The following RALYL variants were observed in gnomAD, a reference collection of about 807,000 sequenced individuals.
The protein encoded by RALYL is RNA-binding Raly-like protein.
Under a neutral mutation model 35.1 loss-of-function variants are expected in RALYL, and 29 were observed. The observed-to-expected ratio is 0.83, with a 90% CI of 0.61 to 1.13. The LOEUF (loss-of-function observed/expected upper bound fraction) is 1.13. Among genes scored for constraint, RALYL ranks in the 50% most tolerant of loss-of-function variants. The pLI is 0.00. For missense variants in RALYL, 359 were observed against 360.4 expected (o/e 1.00, Z 0.03); for synonymous variants, 120 against 127.6 (o/e 0.94, Z 0.40).
At chr8:84,482,430 T>C (rs573184897) in intron 1 of RALYL, among the ~76,000 whole-genome samples, 2 of 152,120 alleles carry the variant, frequency 1.3e-5, no homozygotes, top group Non-Finnish European at 2.9e-5. Context: ...ATAATAGCTT[T>C]CTGGTTTCCT....
chr8:84,306,986 A>T (rs1184382421), intron 1 of RALYL, among the ~76,000 whole-genome samples: 1 of 151,986 alleles, frequency 6.6e-6, no homozygotes, highest in Admixed American at 6.6e-5. Context: ...CTTGGAGTGG[A>T]TGTGGGGGGA....
In RALYL at chr8:84,487,747, A is replaced by C. The variant is rs528746453; in HGVS notation, c.-23-41552A>C. On this transcript the variant is annotated intron_variant, in intron 1 of 8. Transcript: ENST00000521268. ...TAAACTATCTGTCCTCTTATAGAAA[A>C]TACTTGCAAACCCCTTCTTATTGTG... Among the ~76,000 whole-genome samples the C allele has an allele frequency of 8.3e-4, 127 of 152,220 alleles. 1 individual carries two copies. In the Middle Eastern group the frequency reaches 0.014, roughly 16 times the overall value.
chr8:84,796,758 A>G (rs1165315580), intron 3 of RALYL, among the ~76,000 whole-genome samples: 2 of 80,676 alleles, frequency 2.5e-5, no homozygotes, highest in African/African-American at 1.2e-4. Flanking sequence ...TAAGTATATT[A>G]AGTTATTTAT....
intron 2 of RALYL, among the ~76,000 whole-genome samples, chr8:84,619,798 A>G (rs1373499749): frequency 6.7e-6 from 1 of 150,342 alleles, no homozygotes; most frequent in Non-Finnish European, 1.5e-5. Context: ...GATGGTGACA[A>G]AATCTCTCAG....
chr8:84,218,333 AATG>A (rs900797338), intron 1 of RALYL, among the ~76,000 whole-genome samples: 4 of 152,018 alleles, frequency 2.6e-5, no homozygotes, highest in African/African-American at 9.7e-5. Context: ...TGTCTTGCAG[AATG>A]ATGACTTCCT....
At chr8:84,268,815 G>A (rs981956048) in intron 1 of RALYL, among the ~76,000 whole-genome samples, 2 of 152,244 alleles carry the variant, frequency 1.3e-5, no homozygotes, top group African/African-American at 2.4e-5. Context: ...TTGGTATCCC[G>A]TATTTAATAA....
rs1188652265 is a variant in RALYL, at chr8:84,464,812, G to C, written c.-23-64487G>C. ...TCCTCTCCAGCACCTGTTGTTTCCT[G>C]ACTTTTTAATGACTGCCATTCTAAC... On this transcript the variant is annotated intron_variant, in intron 1 of 8. Transcript: ENST00000521268. 2.0e-5 allele frequency among the ~76,000 whole-genome samples: 3 copies of C among 146,754 alleles called. No homozygotes were observed. The East Asian group carries it at 6.1e-4, about 30-fold the overall frequency.
At chr8:84,548,760 C>T (rs559042551) in intron 2 of RALYL, among the ~76,000 whole-genome samples, 175 of 152,242 alleles carry the variant, frequency 1.1e-3, no homozygotes, top group Non-Finnish European at 1.7e-3. Context: ...CTTTCTTCCT[C>T]AATTTTATTT....
chr8:84,652,748 T>C (rs1366238690), intron 2 of RALYL, among the ~76,000 whole-genome samples: 1 of 152,064 alleles, frequency 6.6e-6, no homozygotes, highest in Admixed American at 6.6e-5. Flanking sequence ...AAAACTTTTG[T>C]CCAATCTGTC....
intron 4 of RALYL, among the ~76,000 whole-genome samples, chr8:84,815,818 G>A (rs985294564): frequency 4.6e-5 from 7 of 151,762 alleles, no homozygotes; most frequent in Non-Finnish European, 1.0e-4. Flanking sequence ...GGCAGATCAC[G>A]AGGTCAGGAG....
chr8:84,592,431 T>G lies in RALYL; in HGVS notation c.256+62854T>G, dbSNP rs1364410026. Among the ~76,000 whole-genome samples, 3 of 152,312 alleles carry G rather than the reference T, an allele frequency of 2.0e-5. No individual in the cohort carries two copies. The East Asian group carries it at 5.8e-4, about 29-fold the overall frequency. ...TTTGCTGTCTTTTGAAAGGCAAGAC[T>G]TGTAGATTGATACAGATCTGTCTAT... On this transcript the variant is annotated intron_variant, in intron 2 of 8. Coordinates refer to ENST00000521268, the MANE Select transcript of RALYL (RefSeq NM_173848.7).
chr8:84,558,623 C>T (rs2061286530), intron 2 of RALYL, among the ~76,000 whole-genome samples: 1 of 151,936 alleles, frequency 6.6e-6, no homozygotes, highest in Admixed American at 6.6e-5. Flanking sequence ...ATTTATTTCC[C>T]AGTTTTGCAA....
intron 8 of RALYL, chr8:84,906,927 G>T: frequency 1.0e-6 from 1 of 984,756 alleles, no homozygotes; most frequent in Non-Finnish European, 1.2e-6. Context: ...GCTGTCTTTA[G>T]AATGTCTCTG....
intron 1 of RALYL, among the ~76,000 whole-genome samples, chr8:84,234,777 T>C (rs550447676): frequency 6.6e-6 from 1 of 151,332 alleles, no homozygotes; most frequent in Non-Finnish European, 1.5e-5. Flanking sequence ...TTATTTTTTT[T>C]TTTTTGAGAT....
chr8:84,436,984 T>C (rs751487569), intron 1 of RALYL, among the ~76,000 whole-genome samples: 8 of 152,106 alleles, frequency 5.3e-5, no homozygotes, highest in East Asian at 3.9e-4. Flanking sequence ...CCCAAGAAGA[T>C]AGCATAGTAC....
intron 1 of RALYL, among the ~76,000 whole-genome samples, chr8:84,513,360 A>G (rs766198059): frequency 4.6e-5 from 7 of 152,118 alleles, no homozygotes; most frequent in Non-Finnish European, 1.0e-4. Context: ...ATATCCAGCA[A>G]ACTGTTAGCA....
At chr8:84,312,824 C>T (rs1412336079) in intron 1 of RALYL, among the ~76,000 whole-genome samples, 1 of 152,196 alleles carries the variant, frequency 6.6e-6, no homozygotes, top group Admixed American at 6.5e-5. Flanking sequence ...GAGGATCTAC[C>T]ATTCTGGGGT....
intron 3 of RALYL, among the ~76,000 whole-genome samples, chr8:84,803,051 T>G (rs1386350416): frequency 1.3e-5 from 2 of 152,060 alleles, no homozygotes; most frequent in Non-Finnish European, 2.9e-5. Context: ...CACATACCAG[T>G]GAGAGGCAAG....
intron 1 of RALYL, among the ~76,000 whole-genome samples, chr8:84,261,011 T>TTA (rs1390231448): frequency 6.6e-6 from 1 of 152,152 alleles, no homozygotes; most frequent in African/African-American, 2.4e-5. Context: ...ATCTATATAT[T>TTA]TATTGTTTAA....
Sources: allele counts gnomAD v4.1 joint callset (sites outside exome capture counted in the v4.1 genomes callset), GRCh38; gene constraint gnomAD v4.1.1; transcripts MANE v1.5; gene names NCBI Gene and HGNC (gene_info 2026-07-23, HGNC 2026-07-21).